The following GLI3 variants were observed in gnomAD, a reference collection of about 807,000 sequenced individuals.
The protein encoded by GLI3 is transcription activator GLI3.
GLI3 carries 20 observed loss-of-function variants against 100.8 expected under a neutral mutation model. The ratio of observed to expected loss-of-function variants is 0.20; its 90% confidence interval spans 0.14 to 0.29. The LOEUF (loss-of-function observed/expected upper bound fraction) is 0.29. GLI3 is among the 10% of genes least tolerant of loss of function. The probability of loss-of-function intolerance (pLI) is 1.00; values close to 1 mark genes in which losing one functional copy is unlikely to be tolerated. For missense variants in GLI3, 2,040 were observed against 2,128.5 expected, an observed-to-expected ratio of 0.96 and a Z score of 0.82; for synonymous variants, 938 against 860.5, an observed-to-expected ratio of 1.09 and a Z score of -1.58.
At chr7:42,091,217 C>T (rs191514953) in intron 3 of GLI3, among the ~76,000 whole-genome samples, 58 of 152,380 alleles carry the variant, frequency 3.8e-4, no homozygotes, top group Admixed American at 1.9e-3. Context: ...AAAGTACTCC[C>T]ACTTCCAACC....
chr7:42,113,018 C>A (rs552951713), intron 3 of GLI3, among the ~76,000 whole-genome samples: 1 of 152,028 alleles, frequency 6.6e-6, no homozygotes, highest in South Asian at 2.1e-4. Flanking sequence ...ACTAAAAATA[C>A]AAAAATTAGC....
At chr7:41,986,309 A>T (rs972940312) in intron 10 of GLI3, among the ~76,000 whole-genome samples, 1 of 152,178 alleles carries the variant, frequency 6.6e-6, no homozygotes, top group Non-Finnish European at 1.5e-5. Context: ...AAGAAAGGCA[A>T]AGTTCTTTAA....
intron 11 of GLI3, 155 bp from the exon 12 acceptor site, chr7:41,977,877 G>C: frequency 1.4e-6 from 1 of 712,320 alleles, no homozygotes; most frequent in South Asian, 1.5e-5. Context: ...GCATTTATTG[G>C]GATTCAGATG....
intron 13 of GLI3, among the ~76,000 whole-genome samples, chr7:41,970,553 T>C (rs1012146105): frequency 1.3e-5 from 2 of 152,144 alleles, no homozygotes; most frequent in East Asian, 1.9e-4. Flanking sequence ...CACAATTACG[T>C]TGGCACCAAC....
intron 3 of GLI3, among the ~76,000 whole-genome samples, chr7:42,123,029 A>G (rs1162650700): frequency 6.6e-6 from 1 of 152,228 alleles, no homozygotes; most frequent in Non-Finnish European, 1.5e-5. Flanking sequence ...TGGTTATCAC[A>G]AGTGCTAACA....
chr7:42,022,343 T>C (rs1788966286), intron 10 of GLI3, among the ~76,000 whole-genome samples: 1 of 152,162 alleles, frequency 6.6e-6, no homozygotes, highest in African/African-American at 2.4e-5. Flanking sequence ...AAGTTCACAC[T>C]GCCTATGAAA....
chr7:42,203,475 T>G (rs1788086508), intron 2 of GLI3, among the ~76,000 whole-genome samples: 1 of 152,318 alleles, frequency 6.6e-6, no homozygotes, highest in South Asian at 2.1e-4. Context: ...TGAGAACACA[T>G]GACATTTTTC....
Position 41,964,247 on chromosome 7 carries a change from T to TA in GLI3, c.*82dup, listed in dbSNP as rs1192477584. On this transcript the variant is annotated 3_prime_UTR_variant, in exon 15 of 15. Coordinates refer to ENST00000395925, the MANE Select transcript of GLI3 (RefSeq NM_000168.6). ...GAGATTGCTAAAATACATACAGAAC[T>TA]AAAAAAACAGCCAAAACAAAGTCAG... The TA allele has an allele frequency of 8.9e-6, 11 of 1,231,776 alleles. No homozygotes were observed. In the East Asian group the frequency reaches 1.4e-4, roughly 16 times the overall value. The allele number at this position is 1,231,776 out of a possible 1,614,324, so 76.3% of individuals were successfully genotyped here.
rs1446107833 is a variant in GLI3, at chr7:42,026,379, G to C, written c.1062C>G (p.Pro354=). 5 of 1,614,144 alleles carry C rather than the reference G, an allele frequency of 3.1e-6. No homozygotes were observed. Among genetic ancestry groups the C allele is most frequent in the South Asian group, 1.1e-5 (1 of 91,078 alleles). ...PALSFTYSSA[P]VSLHMHQQIL... ...TCTGCTGATGCATGTGGAGAGAGAC[G>C]GGCGCGGAAGAGTAGGTGAAGCTCA... Residue 354 remains proline (P), a synonymous_variant, in exon 8 of 15, where the codon CCC becomes CCG. Coordinates refer to ENST00000395925, the MANE Select transcript of GLI3 (RefSeq NM_000168.6).
intron 3 of GLI3, chr7:42,118,193 A>G: frequency 2.5e-6 from 1 of 396,482 alleles, no homozygotes. Flanking sequence ...GGGCTTTTTC[A>G]CCTTTCCATT....
chr7:42,178,563 C>T (rs1787527617), intron 2 of GLI3, among the ~76,000 whole-genome samples: 1 of 152,200 alleles, frequency 6.6e-6, no homozygotes, highest in Admixed American at 6.5e-5. Flanking sequence ...CAAAGAAGGG[C>T]TGCACTAGAC....
chr7:42,005,783 G>C (rs1288562392), intron 10 of GLI3, among the ~76,000 whole-genome samples: 2 of 152,158 alleles, frequency 1.3e-5, no homozygotes, highest in African/African-American at 2.4e-5. Context: ...CTCTTTCCTT[G>C]TTTTGTTCCT....
intron 2 of GLI3, among the ~76,000 whole-genome samples, chr7:42,197,257 A>G (rs1787945435): frequency 6.6e-6 from 1 of 152,228 alleles, no homozygotes; most frequent in Non-Finnish European, 1.5e-5. Context: ...TCCAAGATCT[A>G]TGCAGCTAAG....
At chr7:42,122,193 A>C (rs981249653) in intron 3 of GLI3, among the ~76,000 whole-genome samples, 1 of 146,496 alleles carries the variant, frequency 6.8e-6, no homozygotes, top group Non-Finnish European at 1.5e-5. Flanking sequence ...ATATATATTA[A>C]TATATGTCAT....
At chr7:42,025,899 A>C (rs1445212146) in intron 8 of GLI3, among the ~76,000 whole-genome samples, 4 of 152,246 alleles carry the variant, frequency 2.6e-5, no homozygotes, top group Non-Finnish European at 5.9e-5. Context: ...ATGCATCCAC[A>C]TGCTGCACTG....
intron 1 of GLI3, among the ~76,000 whole-genome samples, chr7:42,261,554 G>A (rs900296872): frequency 6.6e-6 from 1 of 152,082 alleles, no homozygotes; most frequent in Non-Finnish European, 1.5e-5. Flanking sequence ...ACTTAGTTGG[G>A]GGAGTTACAC....
intron 4 of GLI3, among the ~76,000 whole-genome samples, chr7:42,051,837 A>G (rs1340552456): frequency 6.6e-6 from 1 of 152,108 alleles, no homozygotes; most frequent in Non-Finnish European, 1.5e-5. Flanking sequence ...TGATGAGCCT[A>G]CACTCACACA....
Position 42,194,590 on chromosome 7 carries a change from C to T in GLI3, c.124+28540G>A, listed in dbSNP as rs369076038. Among the ~76,000 whole-genome samples the T allele has an allele frequency of 7.2e-5, 11 of 152,110 alleles. No homozygotes were observed. In the East Asian group the frequency reaches 1.3e-3, roughly 19 times the overall value. On this transcript the variant is annotated intron_variant, in intron 2 of 14. Coordinates refer to ENST00000395925, the MANE Select transcript of GLI3 (RefSeq NM_000168.6). ...TTTGGGGTCATCATTGTCTCTAAAT[C>T]TGCTCTACTCCCGTCTGTCTTAGCG... is the stretch of plus-strand genomic sequence containing the variant.
chr7:42,167,801 G>A (rs181163729), intron 2 of GLI3, among the ~76,000 whole-genome samples: 242 of 152,268 alleles, frequency 1.6e-3, no homozygotes, highest in Non-Finnish European at 2.6e-3. Context: ...AATTTAGAGA[G>A]AGAGAAAAAA....
Sources: gnomAD v4.1 joint callset for allele counts (sites outside exome capture counted in the v4.1 genomes callset) on GRCh38, gnomAD v4.1.1 for gene constraint, MANE v1.5 for transcripts, NCBI Gene and HGNC (gene_info 2026-07-23, HGNC 2026-07-21) for gene names.